SLIT1: variants seen among roughly 807,000 people sequenced by gnomAD.
SLIT1 encodes slit homolog 1 protein.
Under a neutral mutation model 186.1 loss-of-function variants are expected in SLIT1, and 66 were observed. That is an observed-to-expected ratio of 0.35 (90% confidence interval 0.29 to 0.44). The LOEUF is 0.44. Ranked by LOEUF, SLIT1 falls within the 20% of genes least tolerant of loss-of-function variation. The pLI is 1.00. For missense variants in SLIT1, 1,638 were observed against 2,037.4 expected, an observed-to-expected ratio of 0.80 and a Z score of 3.77; for synonymous variants, 761 against 833.8, an observed-to-expected ratio of 0.91 and a Z score of 1.50.
At chr10:97,142,748 A>G (rs1255545918) in intron 4 of SLIT1, among the ~76,000 whole-genome samples, 1 of 152,236 alleles carries the variant, frequency 6.6e-6, no homozygotes, top group Non-Finnish European at 1.5e-5. Flanking sequence ...TAGAATATAC[A>G]AAGAACTGCT....
chr10:97,017,996 G>A (rs1002115195), intron 28 of SLIT1, among the ~76,000 whole-genome samples: 11 of 151,742 alleles, frequency 7.2e-5, no homozygotes, highest in Non-Finnish European at 1.0e-4. Context: ...TTACAGGCGC[G>A]TGCCACCACA....
intron 4 of SLIT1, chr10:97,157,565 C>T: frequency 3.8e-6 from 2 of 523,140 alleles, no homozygotes; most frequent in Non-Finnish European, 6.8e-6. Context: ...CTTGTACCCA[C>T]ACTGTCAGCG....
At chr10:97,136,997 A>G (rs1293527868) in intron 4 of SLIT1, among the ~76,000 whole-genome samples, 1 of 152,216 alleles carries the variant, frequency 6.6e-6, no homozygotes, top group African/African-American at 2.4e-5. Flanking sequence ...AATGAGCTGG[A>G]AAAACCAGCA....
chr10:97,062,280 T>C (rs1165843338), intron 8 of SLIT1, among the ~76,000 whole-genome samples: 3 of 152,000 alleles, frequency 2.0e-5, no homozygotes, highest in African/African-American at 7.3e-5. Context: ...GCCCACCCAT[T>C]GCACTGGGTG....
At position 97,164,455 on chromosome 10, in the gene SLIT1, G is replaced by T. The variant is rs555709638; in HGVS notation, c.269+364C>A. Among the ~76,000 whole-genome samples, 29 of 152,326 alleles carry T rather than the reference G, an allele frequency of 1.9e-4. 1 individual carries two copies. In the South Asian group the frequency reaches 5.8e-3, roughly 30 times the overall value. On this transcript the variant is annotated intron_variant, in intron 2 of 36. Transcript: ENST00000266058. Reference sequence around the variant, plus strand: ...CACCCAGAGCCTGGGAAGCGGCAGAGGTTGGGGGTTTCTGGAGCAGATCCG... The same window carrying T: ...CACCCAGAGCCTGGGAAGCGGCAGATGTTGGGGGTTTCTGGAGCAGATCCG...
rs773057932 is a variant in SLIT1, at chr10:97,021,982, A to G, written c.2583-569T>C. On this transcript the variant is annotated intron_variant, in intron 25 of 36. Coordinates refer to ENST00000266058, the MANE Select transcript of SLIT1 (RefSeq NM_003061.3). The surrounding 1 kb of genome is among the most constrained non-coding windows in gnomAD (Gnocchi z 4.5). ...AAAAAGGCTGAGGAATTTGCCTAAG[A>G]TCACACAGAGAAACGGGAAGCTGTT... 6.6e-6 allele frequency among the ~76,000 whole-genome samples: 1 copy of G among 152,220 alleles called. No individual in the cohort carries two copies. The highest frequency in any genetic ancestry group is 1.5e-5 in the Non-Finnish European group (1 of 68,032).
chr10:97,119,088 T>C (rs935276261), intron 4 of SLIT1, among the ~76,000 whole-genome samples: 15 of 152,216 alleles, frequency 9.9e-5, no homozygotes, highest in African/African-American at 2.9e-4. Flanking sequence ...TGTGTTCCCC[T>C]GGAGGGGCAG....
intron 36 of SLIT1, among the ~76,000 whole-genome samples, 195 bp downstream of exon 36, chr10:97,001,963 C>T (rs1170350759): frequency 6.6e-6 from 1 of 152,082 alleles, no homozygotes; most frequent in Non-Finnish European, 1.5e-5. Flanking sequence ...AATAAGGGAG[C>T]TGCAGGGCAA....
rs1408436554 is a variant in SLIT1 at position 97,021,450 on chromosome 10, T to C, written c.2583-37A>G. 3 of 1,590,378 alleles carry C rather than the reference T, an allele frequency of 1.9e-6. No homozygotes were observed. The highest frequency in any genetic ancestry group is 1.7e-6 in the Non-Finnish European group (2 of 1,165,276). On this transcript the variant is annotated intron_variant, in intron 25 of 36. Transcript: ENST00000266058. This position sits in a 1 kb window ranked among gnomAD's most constrained non-coding sequence, Gnocchi z 4.5. ...GCAGAGAGAAGCAGGCATTACAGCT[T>C]CATGGGGTCCCTCGCCCACTGGGAA...
chr10:97,039,541 T>C (rs1848672036), intron 21 of SLIT1, among the ~76,000 whole-genome samples: 1 of 152,178 alleles, frequency 6.6e-6, no homozygotes, highest in Admixed American at 6.5e-5. Flanking sequence ...GTGTTAGCAC[T>C]GGTGCTGTTT....
intron 1 of SLIT1, among the ~76,000 whole-genome samples, chr10:97,165,435 G>T (rs777593529): frequency 1.3e-5 from 2 of 151,974 alleles, no homozygotes; most frequent in Non-Finnish European, 2.9e-5. Context: ...AGAGAGGGCC[G>T]TACAATTTTA....
intron 4 of SLIT1, among the ~76,000 whole-genome samples, chr10:97,150,369 C>T (rs1006295896): frequency 2.6e-5 from 4 of 152,068 alleles, no homozygotes; most frequent in Admixed American, 1.3e-4. Flanking sequence ...GGGACCAAGA[C>T]GGGAAGGGAA....
intron 1 of SLIT1, among the ~76,000 whole-genome samples, chr10:97,182,226 A>G (rs544316109): frequency 1.3e-4 from 20 of 152,250 alleles, no homozygotes; most frequent in African/African-American, 4.1e-4. Flanking sequence ...CAGCAAACCA[A>G]TGACCATTTC....
In SLIT1 at chr10:97,001,140, G is replaced by A; in HGVS notation, c.4577C>T (p.Thr1526Ile). Residue 1526 changes from threonine to isoleucine, a missense_variant, in exon 37 of 37, where the codon ACC (threonine) becomes ATC (isoleucine). Physicochemically the swap from Thr to Ile is moderately conservative, Grantham distance 89. Around this residue, in one of 3 missense-constraint regions of SLIT1, gnomAD observed 220 missense variants for 211.3 expected, o/e 1.04. Transcript: ENST00000266058. ...TSFAEEVEKP[T>I]KCGCALCA ...TGCGCAGAGGGCACAGCCACACTTG[G>A]TGGGCTTTTCCACCTCCTCGGCAAA... The A allele has an allele frequency of 1.2e-6, 2 of 1,613,106 alleles. No individual in the cohort carries two copies. Among genetic ancestry groups the A allele is most frequent in the Non-Finnish European group, 1.7e-6 (2 of 1,179,826 alleles).
chr10:97,027,916 G>A (rs886703553), intron 25 of SLIT1, among the ~76,000 whole-genome samples: 19 of 152,110 alleles, frequency 1.2e-4, no homozygotes, highest in Non-Finnish European at 1.3e-4. Flanking sequence ...CATTAAGGGG[G>A]GGCGGAAATG....
chr10:97,147,337 TATAG>T (rs1849828645), intron 4 of SLIT1, among the ~76,000 whole-genome samples: 2 of 152,098 alleles, frequency 1.3e-5, no homozygotes, highest in South Asian at 4.1e-4. Flanking sequence ...ACATTTTGGG[TATAG>T]ATAGTGATGA....
chr10:97,122,703 C>A (rs1341820169), intron 4 of SLIT1, among the ~76,000 whole-genome samples: 1 of 152,126 alleles, frequency 6.6e-6, no homozygotes, highest in Non-Finnish European at 1.5e-5. Flanking sequence ...TCAGGGCAGC[C>A]CTTGTATTCA....
chr10:97,012,445 G>A (rs2134593056), intron 30 of SLIT1, among the ~76,000 whole-genome samples: 1 of 152,312 alleles, frequency 6.6e-6, no homozygotes, highest in East Asian at 1.9e-4. Context: ...ACCAGGACAG[G>A]CAGTTGAGAG....
At chr10:97,091,866 G>T (rs1849235793) in intron 4 of SLIT1, among the ~76,000 whole-genome samples, 1 of 152,190 alleles carries the variant, frequency 6.6e-6, no homozygotes. Context: ...CCTTAGAAAT[G>T]ATCTAAACAA....
Sources: allele counts gnomAD v4.1 joint callset (sites outside exome capture counted in the v4.1 genomes callset), GRCh38; gene constraint gnomAD v4.1.1; regional missense constraint gnomAD v4.1.1; non-coding constraint Gnocchi (gnomAD v3.1); transcripts MANE v1.5; gene names NCBI Gene and HGNC (gene_info 2026-07-23, HGNC 2026-07-21).